Variants in KAZN observed in about 807,000 individuals in gnomAD.
The protein encoded by KAZN is kazrin.
In KAZN, 40 loss-of-function variants were observed where a neutral mutation model predicts 87.4. The observed-to-expected ratio is 0.46, with a 90% confidence interval of 0.36 to 0.60. KAZN has a LOEUF of 0.60. KAZN is among the 20% of genes least tolerant of loss of function. The probability of loss-of-function intolerance (pLI) is 0.00; values close to 1 mark genes in which losing one functional copy is unlikely to be tolerated. For missense variants in KAZN, 898 were observed against 1,073.9 expected (o/e 0.84, Z 2.29); for synonymous variants, 466 against 458.3 (o/e 1.02, Z -0.22).
At chr1:14,216,059 CA>C (rs1243448074) in intron 2 of KAZN, among the ~76,000 whole-genome samples, 1 of 151,870 alleles carries the variant, frequency 6.6e-6, no homozygotes, top group Non-Finnish European at 1.5e-5. Flanking sequence ...AAAAATAGAG[CA>C]AAAAGATAGC....
chr1:14,946,831 T>C (rs1180877931), intron 1 of KAZN, among the ~76,000 whole-genome samples: 1 of 152,236 alleles, frequency 6.6e-6, no homozygotes, highest in Non-Finnish European at 1.5e-5. Context: ...GCTCATGGTA[T>C]AGCCAGTGGC....
chr1:14,588,346 C>T (rs1046279960), intron 2 of KAZN, among the ~76,000 whole-genome samples: 2 of 152,200 alleles, frequency 1.3e-5, no homozygotes, highest in Non-Finnish European at 2.9e-5. Context: ...TATCTTCATT[C>T]AGTGTTCTTC....
At chr1:14,160,504 T>C (rs1479072630) in intron 1 of KAZN, among the ~76,000 whole-genome samples, 1 of 152,150 alleles carries the variant, frequency 6.6e-6, no homozygotes, top group Non-Finnish European at 1.5e-5. Context: ...TTTAAGACTG[T>C]TTTTCCTACC....
chr1:14,903,107 G>A (rs1032727616), intron 1 of KAZN, among the ~76,000 whole-genome samples: 1 of 151,990 alleles, frequency 6.6e-6, no homozygotes, highest in Non-Finnish European at 1.5e-5. Context: ...GACCTCAAGT[G>A]ATCCACCCGC....
At chr1:14,232,642 G>A (rs938466119) in intron 2 of KAZN, among the ~76,000 whole-genome samples, 1 of 152,164 alleles carries the variant, frequency 6.6e-6, no homozygotes, top group Non-Finnish European at 1.5e-5. Context: ...TAAAACTAAA[G>A]CATTTCTCTC....
At chr1:14,058,900 A>C (rs958856842) in intron 1 of KAZN, among the ~76,000 whole-genome samples, 1 of 152,180 alleles carries the variant, frequency 6.6e-6, no homozygotes, top group Admixed American at 6.5e-5. Flanking sequence ...TGAGGCAAGA[A>C]AGGTTTTGGC....
At chr1:14,511,318 A>G (rs1031891835) in intron 2 of KAZN, among the ~76,000 whole-genome samples, 4 of 152,330 alleles carry the variant, frequency 2.6e-5, no homozygotes, top group African/African-American at 7.2e-5. Flanking sequence ...TGTGGGCTTA[A>G]CTAAGAGAGA....
intron 1 of KAZN, among the ~76,000 whole-genome samples, chr1:14,912,389 G>A (rs1657349145): frequency 6.6e-6 from 1 of 152,172 alleles, no homozygotes; most frequent in African/African-American, 2.4e-5. Flanking sequence ...AAGGTAGCCA[G>A]AAGTAAGACA....
At chr1:14,243,702 G>A (rs548326734) in intron 2 of KAZN, among the ~76,000 whole-genome samples, 2 of 152,290 alleles carry the variant, frequency 1.3e-5, no homozygotes, top group East Asian at 3.9e-4. Flanking sequence ...CCTGCTCTAT[G>A]AAACAGTTTG....
intron 1 of KAZN, among the ~76,000 whole-genome samples, chr1:14,091,780 C>A (rs928160168): frequency 2.1e-4 from 32 of 152,078 alleles, no homozygotes; most frequent in Admixed American, 7.2e-4. Context: ...AAAATAATTC[C>A]AAAGTCTGTC....
chr1:14,301,847 G>A (rs1033340820), intron 2 of KAZN, among the ~76,000 whole-genome samples: 2 of 152,108 alleles, frequency 1.3e-5, no homozygotes, highest in African/African-American at 2.4e-5. Context: ...CACCTCCTCC[G>A]AGAGGCCTTC....
chr1:14,278,173 A>G (rs1165056674), intron 2 of KAZN, among the ~76,000 whole-genome samples: 1 of 150,682 alleles, frequency 6.6e-6, no homozygotes, highest in Non-Finnish European at 1.5e-5. Context: ...TCTGTCTCAA[A>G]AAAAAAAAAA....
chr1:14,793,902 G>A (rs150062352), intron 1 of KAZN, among the ~76,000 whole-genome samples: 45 of 152,268 alleles, frequency 3.0e-4, no homozygotes, highest in Non-Finnish European at 5.0e-4. Context: ...TCCCCAGGCC[G>A]TGCCCTCGCC....
intron 1 of KAZN, among the ~76,000 whole-genome samples, chr1:14,959,182 C>T (rs1663538495): frequency 6.6e-6 from 1 of 152,164 alleles, no homozygotes; most frequent in South Asian, 2.1e-4. Flanking sequence ...TGCACCCCCA[C>T]CCGCCCCTAG....
At chr1:14,578,735 C>A (rs1338509518) in intron 2 of KAZN, among the ~76,000 whole-genome samples, 3 of 152,130 alleles carry the variant, frequency 2.0e-5, no homozygotes, top group Non-Finnish European at 4.4e-5. Context: ...ACACTTAGAA[C>A]TTGACTGAGC....
At chr1:14,723,674 C>T (rs1468092309) in intron 1 of KAZN, among the ~76,000 whole-genome samples, 1 of 152,198 alleles carries the variant, frequency 6.6e-6, no homozygotes, top group African/African-American at 2.4e-5. Context: ...CTTTTCCACC[C>T]GAGTGCTCCT....
intron 2 of KAZN, among the ~76,000 whole-genome samples, chr1:14,249,171 A>G (rs1649782349): frequency 6.6e-6 from 1 of 152,160 alleles, no homozygotes; most frequent in Non-Finnish European, 1.5e-5. Flanking sequence ...ATCCATGAGC[A>G]CCATGCAGCA....
intron 1 of KAZN, among the ~76,000 whole-genome samples, chr1:14,720,989 C>T (rs998710687): frequency 1.1e-4 from 16 of 152,172 alleles, no homozygotes; most frequent in Admixed American, 8.5e-4. Flanking sequence ...TGGCCCCTGC[C>T]CTTGTTTGTA....
At chr1:14,738,960 G>T (rs1319258011) in intron 1 of KAZN, among the ~76,000 whole-genome samples, 1 of 152,106 alleles carries the variant, frequency 6.6e-6, no homozygotes, top group Non-Finnish European at 1.5e-5. Context: ...ATTGCTTGGG[G>T]CCATGGATTC....
Sources: gnomAD v4.1 joint callset for allele counts (sites outside exome capture counted in the v4.1 genomes callset) on GRCh38, gnomAD v4.1.1 for gene constraint, MANE v1.5 for transcripts, NCBI Gene and HGNC (gene_info 2026-07-23, HGNC 2026-07-21) for gene names.